The following NIPBL variants were observed in gnomAD, a reference collection of about 807,000 sequenced individuals.
NIPBL encodes the protein nipped-B-like protein.
A neutral mutation model predicts 321.8 loss-of-function variants in NIPBL; 19 were observed. The observed-to-expected ratio is 0.06, with a 90% CI of 0.04 to 0.09. The LOEUF (loss-of-function observed/expected upper bound fraction) is 0.09. NIPBL is among the 10% of genes least tolerant of loss of function. NIPBL has a pLI of 1.00. For missense variants in NIPBL, 2,210 were observed against 3,327.0 expected (o/e 0.66, Z 8.26); for synonymous variants, 1,106 against 1,114.1 (o/e 0.99, Z 0.14).
intron 11 of NIPBL, among the ~76,000 whole-genome samples, chr5:36,999,408 T>C (rs528614458): frequency 6.6e-6 from 1 of 152,344 alleles, no homozygotes; most frequent in South Asian, 2.1e-4. Context: ...GGTTTTAACT[T>C]GGTGGTACCT....
intron 1 of NIPBL, among the ~76,000 whole-genome samples, chr5:36,920,752 A>G (rs189429218): frequency 6.6e-6 from 1 of 151,862 alleles, no homozygotes; most frequent in East Asian, 1.9e-4. Context: ...CAGTAGCTTG[A>G]CCACCTTATA....
intron 1 of NIPBL, among the ~76,000 whole-genome samples, chr5:36,945,578 C>T (rs1739578061): frequency 6.6e-6 from 1 of 152,038 alleles, no homozygotes; most frequent in South Asian, 2.1e-4. Flanking sequence ...TATTGGTATC[C>T]AGCGGTGGCT....
rs545835648 is a variant in NIPBL at position 36,997,892 on chromosome 5, A to C, written c.3304+2088A>C. 4.6e-5 allele frequency among the ~76,000 whole-genome samples: 7 copies of C among 152,302 alleles called. No homozygotes were observed. In the South Asian group the frequency reaches 1.2e-3, roughly 27 times the overall value. ...TATGCTGCTGAGAGAGAGAAAAAAA[A>C]ATTTTTGAAACTTAGCAGTTTAATC... On this transcript the variant is annotated intron_variant, in intron 11 of 46. Transcript: ENST00000282516.
chr5:36,982,537 T>C (rs1288716871), intron 9 of NIPBL, among the ~76,000 whole-genome samples: 1 of 151,844 alleles, frequency 6.6e-6, no homozygotes, highest in African/African-American at 2.4e-5. Context: ...TTGTATATAC[T>C]GAAAAACAAT....
chr5:37,057,828 A>T (rs1039673485), intron 43 of NIPBL, among the ~76,000 whole-genome samples: 1 of 152,126 alleles, frequency 6.6e-6, no homozygotes, highest in Non-Finnish European at 1.5e-5. Flanking sequence ...TGAACCTTCC[A>T]TTGTTTCTGT....
intron 1 of NIPBL, among the ~76,000 whole-genome samples, chr5:36,929,261 G>T (rs1041121715): frequency 3.5e-4 from 54 of 152,180 alleles, no homozygotes; most frequent in African/African-American, 1.3e-3. Context: ...ATGATACTGA[G>T]CACTTTTTTT....
chr5:36,976,607 G>A (rs1168014424), intron 9 of NIPBL, among the ~76,000 whole-genome samples: 2 of 151,904 alleles, frequency 1.3e-5, no homozygotes, highest in African/African-American at 4.8e-5. Flanking sequence ...TATGAGATTT[G>A]GTAATTCTCT....
chr5:37,002,884 G>A (rs895094985), intron 15 of NIPBL, 119 bp downstream of exon 15: 1 of 667,304 alleles, frequency 1.5e-6, no homozygotes, highest in African/African-American at 1.8e-5. Context: ...AAAACTCATT[G>A]TTGACTTCTG....
chr5:36,949,679 AT>A (rs1252792869), intron 1 of NIPBL, among the ~76,000 whole-genome samples: 2 of 151,810 alleles, frequency 1.3e-5, no homozygotes, highest in Admixed American at 6.6e-5. Context: ...AAAATGATGC[AT>A]TTTTTTAAGG....
At chr5:36,992,010 A>G (rs1745581447) in intron 10 of NIPBL, among the ~76,000 whole-genome samples, 1 of 152,116 alleles carries the variant, frequency 6.6e-6, no homozygotes, top group Admixed American at 6.5e-5. Context: ...TGCTAATTTG[A>G]GTGATTTATA....
chr5:36,957,336 T>C (rs1286631988), intron 3 of NIPBL, among the ~76,000 whole-genome samples: 2 of 152,172 alleles, frequency 1.3e-5, no homozygotes, highest in Non-Finnish European at 2.9e-5. Flanking sequence ...AACCTCTGGG[T>C]CTTGTCTTAA....
chr5:37,022,909 G>C (rs982191345), intron 29 of NIPBL, among the ~76,000 whole-genome samples: 1 of 152,138 alleles, frequency 6.6e-6, no homozygotes, highest in Non-Finnish European at 1.5e-5. Context: ...AAACTAAAGA[G>C]GTTCTACATA....
At chr5:36,878,979 G>T (rs1490703608) in intron 1 of NIPBL, among the ~76,000 whole-genome samples, 1 of 143,642 alleles carries the variant, frequency 7.0e-6, no homozygotes, top group Non-Finnish European at 1.5e-5. Flanking sequence ...CGGGTGGGGG[G>T]GTGTGCGAGT....
chr5:36,961,355 G>T, intron 4 of NIPBL, 129 bp from the exon 5 acceptor site: 1 of 680,368 alleles, frequency 1.5e-6, no homozygotes, highest in Non-Finnish European at 2.7e-6. Flanking sequence ...TCTATATTTT[G>T]CTCTTTGAAA....
At chr5:36,885,370 C>T (rs534265006) in intron 1 of NIPBL, 52 of 458,492 alleles carry the variant, frequency 1.1e-4, no homozygotes, top group East Asian at 5.4e-4. Flanking sequence ...CCAGCTTCCG[C>T]GGCGGCTTGG....
At chr5:37,002,400 G>T (rs987088305) in intron 14 of NIPBL, among the ~76,000 whole-genome samples, 1 of 152,208 alleles carries the variant, frequency 6.6e-6, no homozygotes, top group African/African-American at 2.4e-5. Context: ...CTGAGGCAGA[G>T]AATGTGGTTG....
At chr5:37,038,142 A>T (rs1217590500) in intron 33 of NIPBL, among the ~76,000 whole-genome samples, 1 of 151,810 alleles carries the variant, frequency 6.6e-6, no homozygotes, top group Admixed American at 6.6e-5. Context: ...AGTGCACATC[A>T]CCACACCGGG....
At chr5:37,042,843 G>GA (rs1169317720) in intron 34 of NIPBL, among the ~76,000 whole-genome samples, 113 of 136,970 alleles carry the variant, frequency 8.2e-4, no homozygotes, top group Admixed American at 1.4e-3. Context: ...AAAAAGAAAG[G>GA]AAAAAAAAAA....
At chr5:36,927,527 C>T (rs994366910) in intron 1 of NIPBL, among the ~76,000 whole-genome samples, 3 of 151,888 alleles carry the variant, frequency 2.0e-5, no homozygotes, top group Non-Finnish European at 2.9e-5. Context: ...TGGAAATGGT[C>T]GAATTTTGGA....
Sources: allele counts gnomAD v4.1 joint callset (sites outside exome capture counted in the v4.1 genomes callset), GRCh38; gene constraint gnomAD v4.1.1; transcripts MANE v1.5; gene names NCBI Gene and HGNC (gene_info 2026-07-23, HGNC 2026-07-21).